UBE2E1: variants seen among roughly 807,000 people sequenced by gnomAD.
The protein encoded by UBE2E1 is ubiquitin conjugating enzyme E2 E1.
A neutral mutation model predicts 21.4 loss-of-function variants in UBE2E1; 6 were observed. The ratio of observed to expected loss-of-function variants is 0.28; its 90% CI spans 0.15 to 0.55. The LOEUF (loss-of-function observed/expected upper bound fraction) is 0.55. Among genes scored for constraint, UBE2E1 ranks in the 20% least tolerant of loss-of-function variants. The probability of loss-of-function intolerance (pLI) is 0.93; values close to 1 mark genes in which losing one functional copy is unlikely to be tolerated. For synonymous variants in UBE2E1, 87 were observed against 82.7 expected (o/e 1.05, Z -0.28); for missense variants, 142 against 236.5 (o/e 0.60, Z 2.62).
chr3:23,881,984 GT>G, intron 3 of UBE2E1, among the ~76,000 whole-genome samples: 1 of 152,178 alleles, frequency 6.6e-6, no homozygotes, highest in Admixed American at 6.5e-5. Context: ...TGGGTTCGTG[GT>G]TTTGCTGGCC....
chr3:23,821,295 T>C (rs1699638597), intron 3 of UBE2E1, among the ~76,000 whole-genome samples: 1 of 152,140 alleles, frequency 6.6e-6, no homozygotes, highest in Admixed American at 6.5e-5. Context: ...AGACATTTGG[T>C]CAAAGACCTA....
chr3:23,866,601 G>A (rs909180208), intron 3 of UBE2E1: 1 of 152,164 alleles, frequency 6.6e-6, no homozygotes, highest in African/African-American at 2.4e-5. Flanking sequence ...TTGAACTGAT[G>A]CTTGTTTCCC....
chr3:23,887,477 G>A lies in UBE2E1; in HGVS notation c.204-90G>A. On this transcript the variant is annotated intron_variant, in intron 3 of 5. Transcript: ENST00000306627. The surrounding 1 kb of genome is among the most constrained non-coding windows in gnomAD (Gnocchi z 4.4). ...GAATCCACACAGTAAACAAAAGAGA[G>A]GAGAGAGGTAATCTTTCCATCTCTT... 4 of 1,454,990 alleles carry A rather than the reference G, an allele frequency of 2.7e-6. No homozygotes were observed. Among genetic ancestry groups the A allele is most frequent in the Non-Finnish European group, 3.7e-6 (4 of 1,093,650 alleles). The allele number at this position is 1,454,990 out of a possible 1,614,324, so 90.1% of individuals were successfully genotyped here. A position where few individuals can be genotyped will look rare whatever the true frequency, so the allele number is the denominator to read the frequency against.
chr3:23,829,023 G>A (rs902472575), intron 3 of UBE2E1, among the ~76,000 whole-genome samples: 11 of 152,156 alleles, frequency 7.2e-5, no homozygotes, highest in Non-Finnish European at 1.5e-4. Flanking sequence ...CTGACAAGCT[G>A]TAGCTAGAGG....
intron 3 of UBE2E1, among the ~76,000 whole-genome samples, chr3:23,871,645 C>A (rs1426657896): frequency 1.3e-5 from 2 of 151,122 alleles, no homozygotes; most frequent in Non-Finnish European, 3.0e-5. Context: ...AGGGTCTCCT[C>A]GCTTCTCAGA....
chr3:23,879,956 T>C (rs1701000162), intron 3 of UBE2E1, among the ~76,000 whole-genome samples: 1 of 152,204 alleles, frequency 6.6e-6, no homozygotes, highest in African/African-American at 2.4e-5. Flanking sequence ...TTTTAAAAAA[T>C]TGATTCTGGC....
chr3:23,806,925 C>G lies in UBE2E1; in HGVS notation c.-33-312C>G, dbSNP rs543912040. On this transcript the variant is annotated intron_variant, in intron 1 of 5. Transcript: ENST00000306627. This position sits in a 1 kb window ranked among gnomAD's most constrained non-coding sequence, Gnocchi z 6.5. ...CTGCCCCGCCGTGGCGCCCCGCGCC[C>G]CCCGCCCTGCCCTCCTTCGCCTCCC... The G allele has an allele frequency of 5.4e-6, 1 of 184,954 alleles. No homozygotes were observed. The highest frequency in any genetic ancestry group is 2.3e-5 in the African/African-American group (1 of 42,978). The allele number at this position is 184,954 out of a possible 1,614,324, so 11.5% of individuals were successfully genotyped here.
rs1276035865 is a variant in UBE2E1, at chr3:23,876,658, T to C, written c.204-10909T>C. On this transcript the variant is annotated intron_variant, in intron 3 of 5. Coordinates refer to ENST00000306627, the MANE Select transcript of UBE2E1 (RefSeq NM_003341.5). This position sits in a 1 kb window ranked among gnomAD's most constrained non-coding sequence, Gnocchi z 4.3. ...TGTTTCTTGTTTTTGTTTTTTGTCT[T>C]AATAGAGCTAGGCATTACCAGGGTT... 1.3e-5 allele frequency among the ~76,000 whole-genome samples: 2 copies of C among 152,180 alleles called. No individual in the cohort carries two copies. Among genetic ancestry groups the C allele is most frequent in the Admixed American group, 6.5e-5 (1 of 15,274 alleles).
At chr3:23,888,720 A>C (rs9875577) in intron 4 of UBE2E1, among the ~76,000 whole-genome samples, 20,891 of 152,214 alleles carry the variant, frequency 0.14, 1,946 homozygotes, top group African/African-American at 0.25. Flanking sequence ...TTATGTACCC[A>C]TTATGTTGCA....
chr3:23,838,788 C>T (rs1251970834), intron 3 of UBE2E1, among the ~76,000 whole-genome samples: 1 of 152,114 alleles, frequency 6.6e-6, no homozygotes, highest in Non-Finnish European at 1.5e-5. Context: ...TGAGCCACTA[C>T]CGTGCCAGGC....
intron 3 of UBE2E1, among the ~76,000 whole-genome samples, chr3:23,881,787 A>G (rs1469506016): frequency 6.6e-6 from 1 of 152,176 alleles, no homozygotes; most frequent in Non-Finnish European, 1.5e-5. Context: ...GTTCTTAAAG[A>G]TGGTGTATCC....
chr3:23,889,969 T>C (rs1464066506), intron 5 of UBE2E1: 1 of 155,198 alleles, frequency 6.4e-6, no homozygotes, highest in Non-Finnish European at 1.4e-5. Context: ...GTAAACCAAA[T>C]ATAAATTTAT....
At chr3:23,885,504 G>C (rs768073396) in intron 3 of UBE2E1, among the ~76,000 whole-genome samples, 2 of 152,152 alleles carry the variant, frequency 1.3e-5, no homozygotes, top group Non-Finnish European at 2.9e-5. Context: ...ATCAGATATC[G>C]TGTAAAACTA....
chr3:23,857,918 C>T (rs1215362555), intron 3 of UBE2E1, among the ~76,000 whole-genome samples: 4 of 152,096 alleles, frequency 2.6e-5, no homozygotes, highest in Admixed American at 2.6e-4. Flanking sequence ...GGTGCGATCT[C>T]GGCTCACTGC....
chr3:23,886,864 A>G (rs1313574008), intron 3 of UBE2E1, among the ~76,000 whole-genome samples: 1 of 152,246 alleles, frequency 6.6e-6, no homozygotes, highest in East Asian at 1.9e-4. Flanking sequence ...CTAGAAGCCA[A>G]CACAATGCTT....
rs1228044532 is a variant in UBE2E1 at position 23,816,397 on chromosome 3, T to C, written c.203+4887T>C. Among the ~76,000 whole-genome samples, 2 of 152,330 alleles carry C rather than the reference T, an allele frequency of 1.3e-5. No homozygotes were observed. The highest frequency in any genetic ancestry group is 3.9e-4 in the East Asian group (2 of 5,194). ...GAAGTTGTGATGCATGGATACAACA[T>C]GGTTGAACCTTAATGTTATACTAAG... On this transcript the variant is annotated intron_variant, in intron 3 of 5. Transcript: ENST00000306627. The surrounding 1 kb of genome is among the most constrained non-coding windows in gnomAD (Gnocchi z 4.8).
At position 23,806,627 on chromosome 3, in the gene UBE2E1, G is replaced by T. The variant is rs959449729; in HGVS notation, c.-34+539G>T. 1.3e-5 allele frequency among the ~76,000 whole-genome samples: 2 copies of T among 151,532 alleles called. No individual in the cohort carries two copies. The highest frequency in any genetic ancestry group is 3.0e-5 in the Non-Finnish European group (2 of 67,730). ...GGGCGGCCAGAGGCAGGCAGGCCGG[G>T]AGGGGCGTCGGGGCGCGGCGCGGGG... On this transcript the variant is annotated intron_variant, in intron 1 of 5. Coordinates refer to ENST00000306627, the MANE Select transcript of UBE2E1 (RefSeq NM_003341.5). This position sits in a 1 kb window ranked among gnomAD's most constrained non-coding sequence, Gnocchi z 6.5.
chr3:23,849,264 A>G (rs1169579091), intron 3 of UBE2E1, among the ~76,000 whole-genome samples: 6 of 151,920 alleles, frequency 3.9e-5, no homozygotes, highest in African/African-American at 1.5e-4. Context: ...CATGGTTTTT[A>G]TTGTAGTTAG....
Position 23,850,827 on chromosome 3 carries a change from C to A in UBE2E1, c.204-36740C>A. ...TAGCAGGGACTACAGATGTGCGCCA[C>A]CACACCCAGCTTTTTTTTTTTTTTT... is the stretch of plus-strand genomic sequence containing the variant. On this transcript the variant is annotated intron_variant, in intron 3 of 5. Coordinates refer to ENST00000306627, the MANE Select transcript of UBE2E1 (RefSeq NM_003341.5). Among the ~76,000 whole-genome samples the A allele has an allele frequency of 1.6e-5, 2 of 128,204 alleles. 1 individual carries two copies. Among genetic ancestry groups the A allele is most frequent in the Non-Finnish European group, 3.3e-5 (2 of 61,518 alleles). The allele number at this position is 128,204 out of a possible 152,430, so 84.1% of individuals were successfully genotyped here. A position where few individuals can be genotyped will look rare whatever the true frequency, so the allele number is the denominator to read the frequency against.
Sources: gnomAD v4.1 joint callset for allele counts (sites outside exome capture counted in the v4.1 genomes callset) on GRCh38, gnomAD v4.1.1 for gene constraint, Gnocchi (gnomAD v3.1) non-coding constraint, MANE v1.5 for transcripts, NCBI Gene and HGNC (gene_info 2026-07-23, HGNC 2026-07-21) for gene names.